TCF4: variants seen among roughly 807,000 people sequenced by gnomAD.
TCF4 encodes SL3-3 enhancer factor 2.
Under a neutral mutation model 82.1 loss-of-function variants are expected in TCF4, and 3 were observed. The ratio of observed to expected loss-of-function variants is 0.04; its 90% CI spans 0.02 to 0.09. The LOEUF is 0.09. TCF4 is among the 10% of genes least tolerant of loss of function. The probability of loss-of-function intolerance (pLI) is 1.00; values close to 1 mark genes in which losing one functional copy is unlikely to be tolerated. For missense variants in TCF4, 518 were observed against 852.7 expected (o/e 0.61, Z 4.89); for synonymous variants, 276 against 309.6 (o/e 0.89, Z 1.14).
At chr18:55,512,832 A>G (rs1488513999) in intron 3 of TCF4, among the ~76,000 whole-genome samples, 2 of 152,208 alleles carry the variant, frequency 1.3e-5, no homozygotes, top group East Asian at 1.9e-4. Flanking sequence ...AAAATACAGT[A>G]GCATCATAAG....
At chr18:55,459,483 G>C (rs2095832456) in intron 5 of TCF4, among the ~76,000 whole-genome samples, 1 of 152,092 alleles carries the variant, frequency 6.6e-6, no homozygotes, top group Admixed American at 6.6e-5. Flanking sequence ...TAGCTCATTG[G>C]AGGATCATTT....
At chr18:55,421,867 CA>C (rs1409827026) in intron 5 of TCF4, among the ~76,000 whole-genome samples, 1 of 152,042 alleles carries the variant, frequency 6.6e-6, no homozygotes, top group East Asian at 1.9e-4. Context: ...CCTAAAGTTC[CA>C]CATTTTGAAA....
chr18:55,536,855 C>A (rs765192690), intron 3 of TCF4, among the ~76,000 whole-genome samples: 36 of 152,162 alleles, frequency 2.4e-4, no homozygotes, highest in Non-Finnish European at 3.5e-4. Context: ...CAGTTTCTGG[C>A]CGGGTGTGGT....
intron 5 of TCF4, among the ~76,000 whole-genome samples, chr18:55,432,237 A>G (rs1440289899): frequency 1.3e-5 from 2 of 152,174 alleles, no homozygotes; most frequent in Non-Finnish European, 2.9e-5. Context: ...CAGGAGGCGG[A>G]GGCTGCAGTG....
intron 3 of TCF4, among the ~76,000 whole-genome samples, chr18:55,536,449 T>C (rs561785455): frequency 7.2e-5 from 11 of 152,322 alleles, no homozygotes; most frequent in Admixed American, 2.6e-4. Context: ...ACAATTATAC[T>C]TAATACAAAC....
chr18:55,600,706 C>T (rs1329924612), intron 2 of TCF4, among the ~76,000 whole-genome samples: 1 of 152,214 alleles, frequency 6.6e-6, no homozygotes, highest in Non-Finnish European at 1.5e-5. Flanking sequence ...TGGCATTCCT[C>T]TTTGGGACCA....
intron 2 of TCF4, among the ~76,000 whole-genome samples, chr18:55,597,289 T>C (rs1298106336): frequency 6.6e-6 from 1 of 152,192 alleles, no homozygotes; most frequent in Non-Finnish European, 1.5e-5. Flanking sequence ...ATGAAGTCTA[T>C]TATGGGATTA....
intron 6 of TCF4, among the ~76,000 whole-genome samples, chr18:55,358,934 A>G (rs1233556944): frequency 6.6e-6 from 1 of 152,220 alleles, no homozygotes; most frequent in Non-Finnish European, 1.5e-5. Context: ...CAAAGTTCCT[A>G]GCACTTACTG....
intron 5 of TCF4, among the ~76,000 whole-genome samples, chr18:55,443,233 A>G (rs931548304): frequency 1.3e-5 from 2 of 152,178 alleles, no homozygotes; most frequent in African/African-American, 4.8e-5. Context: ...CTGTCCAACA[A>G]TGGAAACCTG....
intron 9 of TCF4, among the ~76,000 whole-genome samples, chr18:55,277,733 C>G (rs1229315602): frequency 6.6e-6 from 1 of 151,972 alleles, no homozygotes; most frequent in African/African-American, 2.4e-5. Flanking sequence ...GCAATGTGCA[C>G]CCTTCCAGAA....
chr18:55,569,084 T>C (rs1201361138), intron 3 of TCF4, among the ~76,000 whole-genome samples: 1 of 152,126 alleles, frequency 6.6e-6, no homozygotes, highest in Non-Finnish European at 1.5e-5. Flanking sequence ...AGAATGAAAC[T>C]TTCTTAATCA....
At chr18:55,254,409 A>AT (rs2051547615) in intron 15 of TCF4, 88 bp downstream of exon 15, 3 of 1,324,324 alleles carry the variant, frequency 2.3e-6, no homozygotes, top group Non-Finnish European at 3.2e-6. Context: ...AATAAAGCTG[A>AT]TTTTTTAAAA....
At chr18:55,513,936 T>A (rs1488584920) in intron 3 of TCF4, among the ~76,000 whole-genome samples, 2 of 152,210 alleles carry the variant, frequency 1.3e-5, no homozygotes, top group Non-Finnish European at 2.9e-5. Flanking sequence ...TGAGTTATCA[T>A]AAACATGCAA....
intron 3 of TCF4, among the ~76,000 whole-genome samples, chr18:55,516,892 A>C (rs898987842): frequency 5.3e-5 from 8 of 152,160 alleles, no homozygotes; most frequent in African/African-American, 1.9e-4. Flanking sequence ...GTGTAAGGTC[A>C]ATGAAGTGTT....
At chr18:55,565,900 A>G (rs1248930609) in intron 3 of TCF4, among the ~76,000 whole-genome samples, 1 of 152,092 alleles carries the variant, frequency 6.6e-6, no homozygotes, top group Non-Finnish European at 1.5e-5. Flanking sequence ...GTGGGTGCTA[A>G]AAAATGTATA....
chr18:55,376,672 G>A (rs903004702), intron 6 of TCF4, among the ~76,000 whole-genome samples: 6 of 152,020 alleles, frequency 3.9e-5, no homozygotes, highest in Admixed American at 1.3e-4. Context: ...TATCACATCC[G>A]ACTTTTCCAG....
chr18:55,249,520 A>G lies in TCF4; in HGVS notation c.1350+4977T>C, dbSNP rs139267371. Among the ~76,000 whole-genome samples, 524 of 152,160 alleles carry G rather than the reference A, an allele frequency of 3.4e-3. 1 individual carries two copies. The highest frequency in any genetic ancestry group is 6.4e-3 in the South Asian group (31 of 4,808). On this transcript the variant is annotated intron_variant, in intron 15 of 19. Transcript: ENST00000354452. ...ACTGGAGATGACCACTCCTCTACTA[A>G]ACAACCATGTGATCTTTCACTACTG... is the stretch of plus-strand genomic sequence containing the variant.
chr18:55,616,428 G>C (rs1222143916), intron 2 of TCF4, among the ~76,000 whole-genome samples: 4 of 152,028 alleles, frequency 2.6e-5, no homozygotes, highest in South Asian at 2.1e-4. Context: ...CAATAAACAG[G>C]AGATTGAATA....
chr18:55,236,509 T>C (rs1341248913), intron 15 of TCF4, among the ~76,000 whole-genome samples: 1 of 152,048 alleles, frequency 6.6e-6, no homozygotes, highest in African/African-American at 2.4e-5. Context: ...ACTCCTTTCC[T>C]CTGTGACTGA....
Sources: gnomAD v4.1 joint callset for allele counts (sites outside exome capture counted in the v4.1 genomes callset) on GRCh38, gnomAD v4.1.1 for gene constraint, MANE v1.5 for transcripts, NCBI Gene and HGNC (gene_info 2026-07-23, HGNC 2026-07-21) for gene names.